CC2D1B: variants seen among roughly 807,000 people sequenced by gnomAD.
The protein encoded by CC2D1B is coiled-coil and C2 domain containing 1B, also known as coiled-coil and C2 domain-containing protein 1B.
A neutral mutation model predicts 110.8 loss-of-function variants in CC2D1B; 92 were observed. That is an observed-to-expected ratio of 0.83 (90% CI 0.70 to 0.99). The LOEUF is 0.99. Among genes scored for constraint, CC2D1B ranks in the 50% least tolerant of loss-of-function variants. CC2D1B has a pLI of 0.00. For synonymous variants in CC2D1B, 406 were observed against 429.2 expected (o/e 0.95, Z 0.67); for missense variants, 1,136 against 1,089.0 (o/e 1.04, Z -0.61).
chr1:52,361,151 G>A lies in CC2D1B; in HGVS notation c.319-19C>T. ...GCTCCGTCTAGGGAGACAAAACACAGCCCAGGAGCTTGGGGGCCTCAAGAC... is the reference window on the plus strand; with the variant it reads ...GCTCCGTCTAGGGAGACAAAACACAACCCAGGAGCTTGGGGGCCTCAAGAC... On this transcript the variant is annotated intron_variant, in intron 4 of 24. Transcript: ENST00000284376. 1 of 1,613,738 alleles carries A rather than the reference G, an allele frequency of 6.2e-7. No individual in the cohort carries two copies. Among genetic ancestry groups the A allele is most frequent in the Non-Finnish European group, 8.5e-7 (1 of 1,179,762 alleles).
intron 13 of CC2D1B, 148 bp downstream of exon 13, chr1:52,358,183 C>T (rs1646695429): frequency 1.8e-6 from 2 of 1,141,022 alleles, no homozygotes; most frequent in African/African-American, 3.1e-5. Context: ...TATTTCCTAG[C>T]TGGGTGTCCT....
At chr1:52,358,784 T>C in intron 11 of CC2D1B, 26 bp from the exon 12 acceptor site, 1 of 1,592,664 alleles carries the variant, frequency 6.3e-7, no homozygotes, top group Non-Finnish European at 8.5e-7. Flanking sequence ...GGGAGGGGCC[T>C]GTGGTCGGCA....
At chr1:52,358,796 C>G in intron 11 of CC2D1B, 38 bp from the exon 12 acceptor site, 1 of 1,578,408 alleles carries the variant, frequency 6.3e-7, no homozygotes, top group East Asian at 2.2e-5. Flanking sequence ...TGGTCGGCAG[C>G]AGCCCACAGG....
At chr1:52,360,860 G>A (rs7339941) in intron 5 of CC2D1B, 114 bp downstream of exon 5, 113,723 of 1,321,798 alleles carry the variant, frequency 0.086, 7,264 homozygotes, top group African/African-American at 0.29. Flanking sequence ...CGGCTGCTGG[G>A]GGAGGGTCCT....
intron 2 of CC2D1B, among the ~76,000 whole-genome samples, chr1:52,363,737 G>A (rs1646831759): frequency 6.7e-6 from 1 of 149,982 alleles, no homozygotes; most frequent in South Asian, 2.1e-4. Flanking sequence ...CTAGAGTGCA[G>A]TGGCACTATC....
Position 52,359,528 on chromosome 1 carries a change from C to A in CC2D1B, c.949G>T (p.Gly317Cys), listed in dbSNP as rs372584046. Reference sequence around the variant, plus strand: ...TTCTCCAGGGCCTCCAGGACAGCACCGAATCTCTGCAGAAGTTGGAAAAGC... The same window carrying A: ...TTCTCCAGGGCCTCCAGGACAGCACAGAATCTCTGCAGAAGTTGGAAAAGC... ...RELMRIGKRF[G>C]AVLEALEKGQ... Residue 317 changes from glycine to cysteine, a missense_variant, in exon 9 of 25, where the codon GGT becomes TGT. Coordinates refer to ENST00000284376, the MANE Select transcript of CC2D1B (RefSeq NM_001330585.2). 1 of 1,613,770 alleles carries A rather than the reference C, an allele frequency of 6.2e-7. No individual in the cohort carries two copies. The highest frequency in any genetic ancestry group is 8.5e-7 in the Non-Finnish European group (1 of 1,179,972).
chr1:52,357,211 T>C, intron 15 of CC2D1B, 85 bp from the exon 16 acceptor site: 1 of 1,491,598 alleles, frequency 6.7e-7, no homozygotes, highest in Non-Finnish European at 9.2e-7. Context: ...CCAAACTAAG[T>C]AATTCTTCAG....
chr1:52,365,739 C>A (rs1012079190), intron 1 of CC2D1B, among the ~76,000 whole-genome samples: 4 of 152,202 alleles, frequency 2.6e-5, no homozygotes, highest in Non-Finnish European at 5.9e-5. Flanking sequence ...CGGCGCATCT[C>A]GCCACAGCGC....
intron 16 of CC2D1B, chr1:52,356,769 G>GTTCT (rs1327071670): frequency 1.7e-5 from 10 of 599,820 alleles, no homozygotes; most frequent in Non-Finnish European, 2.9e-5. Flanking sequence ...ACATCACAAT[G>GTTCT]TTCTTTCCCT....
At position 52,353,394 on chromosome 1, in the gene CC2D1B, A is replaced by G. The variant is rs555407432; in HGVS notation, c.*1+124T>C. ...ATCAGAAACTCAGCCCATAAGCCCT[A>G]CCCAGCATGGTAGGTCTTTCTCATA... On this transcript the variant is annotated intron_variant, in intron 24 of 24. Transcript: ENST00000284376. 4 of 1,522,152 alleles carry G rather than the reference A, an allele frequency of 2.6e-6. No individual in the cohort carries two copies. The South Asian group carries it at 4.0e-5, about 15-fold the overall frequency. The allele number at this position is 1,522,152 out of a possible 1,614,324, so 94.3% of individuals were successfully genotyped here.
intron 21 of CC2D1B, among the ~76,000 whole-genome samples, chr1:52,355,148 A>G (rs963902095): frequency 2.0e-5 from 3 of 152,226 alleles, no homozygotes; most frequent in Non-Finnish European, 4.4e-5. Context: ...AAAGTAGGAA[A>G]GACTTGGAAT....
At chr1:52,355,892 G>C (rs766300631) in intron 18 of CC2D1B, 48 bp from the exon 19 acceptor site, 2 of 1,582,886 alleles carry the variant, frequency 1.3e-6, no homozygotes, top group South Asian at 2.2e-5. Context: ...AAGGACAGTA[G>C]TGGAACAAGG....
chr1:52,364,265 C>T (rs1646840738), intron 2 of CC2D1B, among the ~76,000 whole-genome samples: 2 of 152,170 alleles, frequency 1.3e-5, no homozygotes, highest in Non-Finnish European at 2.9e-5. Context: ...GCCCTCATGC[C>T]CTGGCATCCC....
chr1:52,355,375 A>G (rs1286992493), intron 21 of CC2D1B, 23 bp downstream of exon 21: 1 of 1,613,026 alleles, frequency 6.2e-7, no homozygotes, highest in Admixed American at 1.7e-5. Context: ...GGGAGGAGAA[A>G]GAGGCCCACG....
intron 5 of CC2D1B, 70 bp downstream of exon 5, chr1:52,360,904 A>G: frequency 6.4e-7 from 1 of 1,571,808 alleles, no homozygotes; most frequent in Non-Finnish European, 8.7e-7. Context: ...TGTGCAGGCC[A>G]GGCCACACAC....
chr1:52,358,064 T>G (rs1303930198), intron 13 of CC2D1B, 166 bp from the exon 14 acceptor site: 1 of 1,071,300 alleles, frequency 9.3e-7, no homozygotes, highest in East Asian at 2.6e-5. Context: ...AGAAGCAGCC[T>G]CAGAAGCTCT....
Position 52,353,230 on chromosome 1 carries a change from A to G in CC2D1B, c.*2-7T>C, listed in dbSNP as rs1569817339. ...TCCTGGTGCTGGCCATCGGCTACAC[A>G]GGGGTGCAAAGCACAAGAAGTCAGT... On this transcript the variant is annotated splice_polypyrimidine_tract_variant and splice_region_variant and intron_variant, in intron 24 of 24. Transcript: ENST00000284376. The G allele has an allele frequency of 2.9e-6, 4 of 1,372,990 alleles. No individual in the cohort carries two copies. Among genetic ancestry groups the G allele is most frequent in the Middle Eastern group, 2.0e-4 (1 of 5,096 alleles). 85.1% of individuals were successfully genotyped at this position (1,372,990 alleles called of 1,614,324 possible).
At position 52,361,036 on chromosome 1, in the gene CC2D1B, G is replaced by C. The variant is rs756507401; in HGVS notation, c.415C>G (p.Leu139Val). 2.5e-6 allele frequency: 4 copies of C among 1,614,106 alleles called. No homozygotes were observed. The Admixed American group carries it at 6.7e-5, about 27-fold the overall frequency. ...DPGGSEEENG[L>V]EDTEPPVQTA... ...TGCACTGGAGGTTCAGTGTCTTCTA[G>C]GCCGTTCTCCTCCTCAGAGCCGCCT... The change falls in exon 5 of 25, where the codon CTA becomes GTA. Residue 139 changes from leucine (L) to valine (V), a missense_variant. Physicochemically the swap from Leu to Val is conservative, Grantham distance 32 (BLOSUM62 1). Transcript: ENST00000284376.
intron 13 of CC2D1B, 95 bp downstream of exon 13, chr1:52,358,236 C>A: frequency 1.3e-6 from 2 of 1,496,666 alleles, no homozygotes; most frequent in Non-Finnish European, 1.8e-6. Context: ...AGAATATGTA[C>A]CTTATTGGGC....
Sources: gnomAD v4.1 joint callset for allele counts (sites outside exome capture counted in the v4.1 genomes callset) on GRCh38, gnomAD v4.1.1 for gene constraint, MANE v1.5 for transcripts, NCBI Gene and HGNC (gene_info 2026-07-23, HGNC 2026-07-21) for gene names.